The following GSE1 variants were observed in gnomAD, a reference collection of about 807,000 sequenced individuals.
The protein encoded by GSE1 is Gse1 coiled-coil protein, also known as genetic suppressor element 1.
Under a neutral mutation model 112.6 loss-of-function variants are expected in GSE1, and 32 were observed. That is an observed-to-expected ratio of 0.28 (90% CI 0.21 to 0.38). The LOEUF is 0.38. Ranked by LOEUF, GSE1 falls within the 10% of genes least tolerant of loss-of-function variation. The pLI, the probability that GSE1 is intolerant of heterozygous loss-of-function variation, is 1.00. For missense variants in GSE1, 2,348 were observed against 1,699.2 expected, an observed-to-expected ratio of 1.38 and a Z score of -6.71; for synonymous variants, 1,115 against 735.6, an observed-to-expected ratio of 1.52 and a Z score of -8.35.
chr16:85,459,365 G>C (rs2049915105), intron 2 of GSE1, among the ~76,000 whole-genome samples: 1 of 152,196 alleles, frequency 6.6e-6, no homozygotes, highest in Admixed American at 6.5e-5. Context: ...GTGCCCAGCT[G>C]GTTGTTGAAG....
At chr16:85,426,772 C>A (rs1483097981) in intron 2 of GSE1, among the ~76,000 whole-genome samples, 1 of 152,126 alleles carries the variant, frequency 6.6e-6, no homozygotes, top group African/African-American at 2.4e-5. Context: ...AGAAAAATAT[C>A]CTCTTAAGCT....
intron 1 of GSE1, among the ~76,000 whole-genome samples, chr16:85,186,251 C>T (rs577293414): frequency 3.3e-5 from 5 of 152,262 alleles, no homozygotes; most frequent in African/African-American, 1.2e-4. Context: ...AGGAGAATTG[C>T]TTGAGCCCAG....
chr16:85,216,749 C>G (rs1329691774), intron 1 of GSE1, among the ~76,000 whole-genome samples: 1 of 152,222 alleles, frequency 6.6e-6, no homozygotes, highest in African/African-American at 2.4e-5. Flanking sequence ...CTGTGTTCAC[C>G]TCCTCCAGCC....
chr16:85,484,623 C>T (rs2050777419), intron 2 of GSE1, among the ~76,000 whole-genome samples: 1 of 152,192 alleles, frequency 6.6e-6, no homozygotes, highest in Non-Finnish European at 1.5e-5. Context: ...TTACGTGTCT[C>T]CTGAGGGAGG....
At chr16:85,302,123 C>T (rs1004243433) in intron 1 of GSE1, among the ~76,000 whole-genome samples, 2 of 152,172 alleles carry the variant, frequency 1.3e-5, no homozygotes, top group African/African-American at 2.4e-5. Context: ...TCCAATTTCC[C>T]GTCTTGGAAT....
rs2053570382 is a variant in GSE1, at chr16:85,674,435, A to C, written c.*1896A>C. ...GGGCTGTGCTGCAGGCCTCCCCTCGAAAGACACTGGGAGGTCAGCATGTTC... is the reference window on the plus strand; with the variant it reads ...GGGCTGTGCTGCAGGCCTCCCCTCGCAAGACACTGGGAGGTCAGCATGTTC... On this transcript the variant is annotated 3_prime_UTR_variant, in exon 16 of 16. Coordinates refer to ENST00000253458, the MANE Select transcript of GSE1 (RefSeq NM_014615.5). The C allele has an allele frequency of 6.6e-6, 1 of 150,712 alleles. No individual in the cohort carries two copies. Among genetic ancestry groups the C allele is most frequent in the Non-Finnish European group, 1.5e-5 (1 of 68,042 alleles). The allele number at this position is 150,712 out of a possible 1,614,324, so 9.3% of individuals were successfully genotyped here.
intron 1 of GSE1, among the ~76,000 whole-genome samples, chr16:85,346,533 A>G (rs2046743292): frequency 6.9e-6 from 1 of 145,680 alleles, no homozygotes; most frequent in South Asian, 2.3e-4. Context: ...GGATGGGTGG[A>G]TGATAGGCGG....
At chr16:85,462,523 G>C (rs1177583901) in intron 2 of GSE1, among the ~76,000 whole-genome samples, 4 of 152,016 alleles carry the variant, frequency 2.6e-5, no homozygotes, top group Non-Finnish European at 5.9e-5. Context: ...CCCAATTAGA[G>C]GCTTTGGTTC....
chr16:85,265,046 C>T (rs779941464), intron 1 of GSE1, among the ~76,000 whole-genome samples: 5 of 152,180 alleles, frequency 3.3e-5, no homozygotes, highest in Non-Finnish European at 7.3e-5. Flanking sequence ...CCCGGAGCAG[C>T]GTCTGGCATG....
intron 1 of GSE1, among the ~76,000 whole-genome samples, chr16:85,275,218 C>T (rs554290827): frequency 6.6e-6 from 1 of 152,308 alleles, no homozygotes; most frequent in South Asian, 2.1e-4. Flanking sequence ...ACAGAGGCCT[C>T]CGAACTGGAG....
chr16:85,625,353 A>T (rs1279550159), intron 1 of GSE1, among the ~76,000 whole-genome samples: 5 of 152,192 alleles, frequency 3.3e-5, no homozygotes. Context: ...CGTGAACCTC[A>T]GTCGCAGGAC....
chr16:85,297,748 G>A (rs569671902), intron 1 of GSE1, among the ~76,000 whole-genome samples: 2 of 152,166 alleles, frequency 1.3e-5, no homozygotes. Flanking sequence ...TGGCCTCAAG[G>A]GATCCTCCCA....
upstream of GSE1, among the ~76,000 whole-genome samples, chr16:85,611,151 C>T (rs1273485929): frequency 6.6e-6 from 1 of 152,196 alleles, no homozygotes; most frequent in Non-Finnish European, 1.5e-5. Flanking sequence ...CTGTTCCCCT[C>T]CCCCCGCAGC....
At chr16:85,287,590 G>C (rs895088783) in intron 1 of GSE1, among the ~76,000 whole-genome samples, 1 of 151,988 alleles carries the variant, frequency 6.6e-6, no homozygotes. Context: ...CTTTCCTCCT[G>C]ATTTCCACAC....
chr16:85,501,382 T>G (rs933074942), intron 2 of GSE1, among the ~76,000 whole-genome samples: 1 of 149,484 alleles, frequency 6.7e-6, no homozygotes, highest in Non-Finnish European at 1.5e-5. Flanking sequence ...GGATTAGGAC[T>G]TCACCTTTTT....
chr16:85,450,565 C>T (rs1419402532), intron 2 of GSE1, among the ~76,000 whole-genome samples: 5 of 151,994 alleles, frequency 3.3e-5, no homozygotes, highest in Admixed American at 1.3e-4. Flanking sequence ...TTCTCTGCCT[C>T]AGCCTCCCAA....
At chr16:85,430,769 A>T (rs1597731991) in intron 2 of GSE1, among the ~76,000 whole-genome samples, 1 of 152,312 alleles carries the variant, frequency 6.6e-6, no homozygotes, top group South Asian at 2.1e-4. Flanking sequence ...CACGTGCATG[A>T]CCTGCCCGCC....
At chr16:85,672,317 TA>T in intron 15 of GSE1, 87 bp from the exon 16 acceptor site, 2 of 974,210 alleles carry the variant, frequency 2.1e-6, no homozygotes, top group Non-Finnish European at 3.2e-6. Context: ...AATGTAGGTT[TA>T]CCCTTCCATC....
chr16:85,593,772 G>A (rs2047096600), intron 1 of GSE1: 1 of 152,222 alleles, frequency 6.6e-6, no homozygotes, highest in South Asian at 2.1e-4. Context: ...GTGGTTAAGT[G>A]GTAAATCATA....
Sources: gnomAD v4.1 joint callset for allele counts (sites outside exome capture counted in the v4.1 genomes callset) on GRCh38, gnomAD v4.1.1 for gene constraint, MANE v1.5 for transcripts, NCBI Gene and HGNC (gene_info 2026-07-23, HGNC 2026-07-21) for gene names.